Variants in METTL15 observed in about 807,000 individuals in gnomAD.
The protein encoded by METTL15 is 12S rRNA N(4)-cytidine methyltransferase METTL15.
A neutral mutation model predicts 38.3 loss-of-function variants in METTL15; 34 were observed. The observed-to-expected ratio is 0.89, with a 90% confidence interval of 0.68 to 1.18. The LOEUF is 1.18. Ranked by LOEUF, METTL15 falls within the 50% of genes most tolerant of loss-of-function variation. The probability of loss-of-function intolerance (pLI) is 0.00; values close to 1 mark genes in which losing one functional copy is unlikely to be tolerated. For missense variants in METTL15, 438 were observed against 498.4 expected (o/e 0.88, Z 1.15); for synonymous variants, 162 against 170.9 (o/e 0.95, Z 0.41).
At chr11:28,486,707 C>T (rs567203900) in intron 6 of METTL15, among the ~76,000 whole-genome samples, 1 of 152,326 alleles carries the variant, frequency 6.6e-6, no homozygotes, top group Non-Finnish European at 1.5e-5. Flanking sequence ...GGACTTTTAC[C>T]TCCTCAACTG....
intron 3 of METTL15, among the ~76,000 whole-genome samples, chr11:28,168,118 G>T (rs1372834339): frequency 1.3e-5 from 2 of 151,388 alleles, no homozygotes; most frequent in Non-Finnish European, 2.9e-5. Context: ...TCTTCCTCTG[G>T]TTTTCTTCCC....
At position 28,296,781 on chromosome 11, in the gene METTL15, G is replaced by A; in HGVS notation, c.628G>A (p.Val210Ile). Residue 210 changes from valine to isoleucine, a missense_variant, in exon 6 of 7, where the codon GTT becomes ATT. Physicochemically the swap from Val to Ile is conservative, Grantham distance 29. Transcript: ENST00000407364. ...CCCTGACATGCCCACTGCTGCTGAT[G>A]TTGTGAATGCTTTAGATCAACAGGC... Reference protein sequence around the residue: ...RYPDMPTAADVVNALDQQALA... With the variant: ...RYPDMPTAADIVNALDQQALA... 1.9e-6 allele frequency: 3 copies of A among 1,613,354 alleles called. No homozygotes were observed. The highest frequency in any genetic ancestry group is 2.5e-6 in the Non-Finnish European group (3 of 1,179,608).
At chr11:28,449,341 T>G (rs188062348) in intron 6 of METTL15, among the ~76,000 whole-genome samples, 150 of 152,266 alleles carry the variant, frequency 9.9e-4, no homozygotes, top group African/African-American at 1.9e-3. Flanking sequence ...ACACAGACAC[T>G]CCTATGTTAC....
chr11:28,225,870 T>C (rs1853457677), intron 4 of METTL15, among the ~76,000 whole-genome samples: 1 of 151,946 alleles, frequency 6.6e-6, no homozygotes, highest in African/African-American at 2.4e-5. Flanking sequence ...TTTGATTTAA[T>C]CTGTTAGTGT....
intron 6 of METTL15, among the ~76,000 whole-genome samples, chr11:28,470,015 T>A (rs1001805113): frequency 6.9e-5 from 10 of 144,832 alleles, no homozygotes; most frequent in Admixed American, 5.1e-4. Flanking sequence ...ATGCACAAAC[T>A]ACAAAAAAAC....
At chr11:28,495,160 C>G (rs188211128) in intron 6 of METTL15, among the ~76,000 whole-genome samples, 8 of 152,204 alleles carry the variant, frequency 5.3e-5, no homozygotes, top group Admixed American at 2.0e-4. Context: ...TCATGAACAT[C>G]AGGGGCTAAT....
chr11:28,198,558 A>T (rs1165349271), intron 3 of METTL15, among the ~76,000 whole-genome samples: 2 of 152,150 alleles, frequency 1.3e-5, no homozygotes, highest in Non-Finnish European at 2.9e-5. Flanking sequence ...AATTTATTGC[A>T]ATGCATTAAT....
intron 6 of METTL15, among the ~76,000 whole-genome samples, chr11:28,307,631 G>A (rs1000862488): frequency 1.3e-5 from 2 of 151,884 alleles, no homozygotes; most frequent in Admixed American, 1.3e-4. Flanking sequence ...AAAATACAGG[G>A]TCAGTCTTCT....
At chr11:28,446,056 C>G (rs1172197019) in intron 6 of METTL15, among the ~76,000 whole-genome samples, 1 of 152,132 alleles carries the variant, frequency 6.6e-6, no homozygotes, top group Non-Finnish European at 1.5e-5. Flanking sequence ...CAATTAGACT[C>G]TCTGTCCAGA....
intron 5 of METTL15, among the ~76,000 whole-genome samples, chr11:28,370,600 G>A (rs1850233564): frequency 6.6e-6 from 1 of 151,852 alleles, no homozygotes; most frequent in African/African-American, 2.4e-5. Flanking sequence ...TCATACAGTA[G>A]TTCTATTTTT....
rs566525819 is a variant in METTL15, at chr11:28,455,457, C to T, written c.*424+31093C>T. On this transcript the variant is annotated intron_variant and NMD_transcript_variant, in intron 6 of 7. Coordinates refer to the METTL15 transcript ENST00000532947. ...AAGGCCATTTTGTCTCTGTGTCTTG[C>T]GTCTGTAAAAACCTGTCCTATAATT... Among the ~76,000 whole-genome samples, 8 of 152,098 alleles carry T rather than the reference C, an allele frequency of 5.3e-5. No homozygotes were observed. The South Asian group carries it at 6.2e-4, about 12-fold the overall frequency.
intron 6 of METTL15, among the ~76,000 whole-genome samples, chr11:28,499,375 T>A (rs1232333973): frequency 6.6e-6 from 1 of 152,194 alleles, no homozygotes; most frequent in African/African-American, 2.4e-5. Context: ...TCTCTAAGAA[T>A]AAGAAGTCCT....
intron 3 of METTL15, among the ~76,000 whole-genome samples, chr11:28,146,148 A>G (rs1352423988): frequency 1.3e-5 from 2 of 152,056 alleles, no homozygotes; most frequent in Non-Finnish European, 2.9e-5. Flanking sequence ...AAACTTTTCA[A>G]GCTATTTCTG....
chr11:28,374,329 CTT>C (rs992396282), intron 5 of METTL15, among the ~76,000 whole-genome samples: 10 of 152,106 alleles, frequency 6.6e-5, no homozygotes, highest in Non-Finnish European at 1.3e-4. Context: ...TTTGTATCCT[CTT>C]TTATTTCATT....
At chr11:28,419,774 A>G (rs536827759) in intron 5 of METTL15, among the ~76,000 whole-genome samples, 1 of 152,338 alleles carries the variant, frequency 6.6e-6, no homozygotes, top group African/African-American at 2.4e-5. Flanking sequence ...CAGATAACAC[A>G]GAGAAGGAAT....
rs1565225348 is a variant in METTL15 at position 28,287,154 on chromosome 11, CAATG to C, written c.408-3051_408-3048del. ...ATGTATATATATAGAGAGAGAGAGACAATGTGTGTGTGTGTGTGTGTGTGTGTGT... is the reference window on the plus strand; with the variant it reads ...ATGTATATATATAGAGAGAGAGAGACTGTGTGTGTGTGTGTGTGTGTGTGT... On this transcript the variant is annotated intron_variant, in intron 4 of 6. Coordinates refer to ENST00000407364, the MANE Select transcript of METTL15 (RefSeq NM_001113528.2). 5.9e-5 allele frequency: 5 copies of C among 85,382 alleles called. No individual in the cohort carries two copies. The South Asian group carries it at 9.2e-4, about 16-fold the overall frequency. The allele number at this position is 85,382 out of a possible 1,614,324, so 5.3% of individuals were successfully genotyped here. A position where few individuals can be genotyped will look rare whatever the true frequency, so the allele number is the denominator to read the frequency against.
At chr11:28,279,114 G>A (rs151138078) in intron 4 of METTL15, among the ~76,000 whole-genome samples, 177 of 152,244 alleles carry the variant, frequency 1.2e-3, no homozygotes, top group African/African-American at 4.0e-3. Flanking sequence ...GGCATGAGCC[G>A]CTGTGCCCAG....
rs779657666 is a variant in METTL15 at position 28,371,651 on chromosome 11, T to C, written c.*358+9615T>C. 4.6e-5 allele frequency among the ~76,000 whole-genome samples: 7 copies of C among 152,212 alleles called. No homozygotes were observed. In the South Asian group the frequency reaches 1.2e-3, roughly 27 times the overall value. On this transcript the variant is annotated intron_variant and NMD_transcript_variant, in intron 5 of 7. Coordinates refer to the METTL15 transcript ENST00000532947. ...CATGGAATATTTTTCCATTTTATTG[T>C]GTCTTCCTCAATTTACTTCATGAGT...
chr11:28,190,937 T>C (rs1851678167), intron 3 of METTL15, among the ~76,000 whole-genome samples: 1 of 151,386 alleles, frequency 6.6e-6, no homozygotes, highest in Non-Finnish European at 1.5e-5. Flanking sequence ...TAATGAGCCT[T>C]ATCCTAGGTT....
Sources: allele counts gnomAD v4.1 joint callset (sites outside exome capture counted in the v4.1 genomes callset), GRCh38; gene constraint gnomAD v4.1.1; transcripts MANE v1.5; gene names NCBI Gene and HGNC (gene_info 2026-07-23, HGNC 2026-07-21).